DYM: variants seen among roughly 807,000 people sequenced by gnomAD.
DYM encodes the protein dymeclin.
Under a neutral mutation model 93.1 loss-of-function variants are expected in DYM, and 78 were observed. The observed-to-expected ratio is 0.84, with a 90% CI of 0.70 to 1.01. The LOEUF (loss-of-function observed/expected upper bound fraction) is 1.01. Among genes scored for constraint, DYM ranks in the 50% least tolerant of loss-of-function variants. DYM has a pLI of 0.00. For synonymous variants in DYM, 321 were observed against 319.7 expected, an observed-to-expected ratio of 1.00 and a Z score of -0.04; for missense variants, 789 against 845.0, an observed-to-expected ratio of 0.93 and a Z score of 0.82.
At chr18:49,399,934 CTTTTTTTTTTTTT>C (rs1201370040) in intron 2 of DYM, among the ~76,000 whole-genome samples, 8 of 66,110 alleles carry the variant, frequency 1.2e-4, no homozygotes, top group Non-Finnish European at 2.2e-4. Flanking sequence ...TTTTATTTTT[CTTTTTTTTTTTTT>C]TTTTTTTTTT....
rs535241312 is a variant in DYM, at chr18:49,301,351, T to C, written c.764-14735A>G. On this transcript the variant is annotated intron_variant, in intron 8 of 17. Transcript: ENST00000675505. The stretch of plus-strand genomic sequence containing the variant: ...CTGGCCAACATGGTGAAACCCCGTC[T>C]CTACTAAAAATACAAAAAAATTAGC... Among the ~76,000 whole-genome samples, 215 of 152,084 alleles carry C rather than the reference T, an allele frequency of 1.4e-3. 3 individuals are homozygous for C. The highest frequency in any genetic ancestry group is 6.8e-4 in the Non-Finnish European group (46 of 67,978).
chr18:49,247,503 A>G (rs961567103), intron 13 of DYM, among the ~76,000 whole-genome samples: 9 of 152,200 alleles, frequency 5.9e-5, no homozygotes, highest in Non-Finnish European at 1.2e-4. Flanking sequence ...CTAAGAGGAC[A>G]AAGTTGAACC....
intron 16 of DYM, among the ~76,000 whole-genome samples, chr18:49,108,082 T>C (rs1295489333): frequency 1.3e-5 from 2 of 152,232 alleles, no homozygotes; most frequent in African/African-American, 2.4e-5. Flanking sequence ...CCACTTTGTT[T>C]ACCTACTCAA....
intron 8 of DYM, among the ~76,000 whole-genome samples, chr18:49,299,205 T>C (rs2060748204): frequency 6.6e-6 from 1 of 152,204 alleles, no homozygotes. Context: ...ATTAGACATA[T>C]ATAACTAGCA....
chr18:49,310,522 G>A (rs72912503), intron 8 of DYM, among the ~76,000 whole-genome samples: 9,927 of 152,186 alleles, frequency 0.065, 431 homozygotes, highest in Non-Finnish European at 0.096. Flanking sequence ...GTATATGTAT[G>A]TATATTTGCC....
At chr18:49,255,466 A>C (rs984147318) in intron 13 of DYM, among the ~76,000 whole-genome samples, 3 of 152,104 alleles carry the variant, frequency 2.0e-5, no homozygotes, top group Non-Finnish European at 4.4e-5. Context: ...TGAGGTTAGG[A>C]GTTTGAGACC....
chr18:49,075,749 A>C (rs995574537), intron 17 of DYM, among the ~76,000 whole-genome samples: 3 of 152,128 alleles, frequency 2.0e-5, no homozygotes, highest in Non-Finnish European at 4.4e-5. Context: ...ATGGCAGTTT[A>C]ACTTTTGAGG....
chr18:49,050,304 T>A (rs746489505), intron 17 of DYM, among the ~76,000 whole-genome samples: 16 of 151,670 alleles, frequency 1.1e-4, no homozygotes, highest in Admixed American at 4.6e-4. Context: ...TTGGTCAGGA[T>A]GGTCTTGAAC....
At chr18:49,440,980 T>TATATA (rs1342182885) in intron 1 of DYM, among the ~76,000 whole-genome samples, 76 of 3,324 alleles carry the variant, frequency 0.023, 31 homozygotes, top group Non-Finnish European at 0.029. Flanking sequence ...TATAATATAT[T>TATATA]ATATATAATA....
chr18:49,357,685 T>G (rs1285705550), intron 6 of DYM, among the ~76,000 whole-genome samples: 1 of 152,186 alleles, frequency 6.6e-6, no homozygotes, highest in Non-Finnish European at 1.5e-5. Flanking sequence ...TAAAGAAATA[T>G]TTGAGTCTAC....
At chr18:49,390,278 T>C (rs2147871218) in intron 3 of DYM, among the ~76,000 whole-genome samples, 1 of 151,860 alleles carries the variant, frequency 6.6e-6, no homozygotes, top group Admixed American at 6.6e-5. Flanking sequence ...TAAAATAAAA[T>C]CATTAGGCAG....
intron 2 of DYM, among the ~76,000 whole-genome samples, chr18:49,401,632 T>A (rs200680022): frequency 1.4e-5 from 2 of 146,582 alleles, no homozygotes; most frequent in South Asian, 2.2e-4. Flanking sequence ...TCTCTCTCTC[T>A]CTCTCACACA....
chr18:49,182,429 C>A (rs1162000104), intron 14 of DYM, among the ~76,000 whole-genome samples: 2 of 152,060 alleles, frequency 1.3e-5, no homozygotes, highest in South Asian at 2.1e-4. Flanking sequence ...TTTCTCCTTG[C>A]AATTTTATTA....
chr18:49,253,566 C>T (rs1373375711), intron 13 of DYM, among the ~76,000 whole-genome samples: 2 of 152,068 alleles, frequency 1.3e-5, no homozygotes, highest in East Asian at 3.9e-4. Context: ...AGACTCTGAT[C>T]CAGTAGGTCA....
At chr18:49,406,773 A>G (rs2148127867) in intron 2 of DYM, among the ~76,000 whole-genome samples, 1 of 152,360 alleles carries the variant, frequency 6.6e-6, no homozygotes, top group Non-Finnish European at 1.5e-5. Context: ...CCACTCTGGA[A>G]AGCCATTTGG....
At chr18:49,104,242 T>C (rs187774545) in intron 16 of DYM, among the ~76,000 whole-genome samples, 5,917 of 152,296 alleles carry the variant, frequency 0.039, 189 homozygotes, top group Non-Finnish European at 0.058. Context: ...AGAATGCTTG[T>C]GATTTTTGCA....
At chr18:49,196,218 A>C (rs2145790186) in intron 14 of DYM, among the ~76,000 whole-genome samples, 1 of 152,194 alleles carries the variant, frequency 6.6e-6, no homozygotes, top group East Asian at 1.9e-4. Context: ...GAGCCACTGC[A>C]CTGCACCCGG....
chr18:49,118,264 C>A (rs533653648), intron 16 of DYM, among the ~76,000 whole-genome samples: 2 of 152,010 alleles, frequency 1.3e-5, no homozygotes, highest in South Asian at 4.2e-4. Context: ...ACAGTAAAAA[C>A]TAGTAAAATT....
At chr18:49,213,027 T>A (rs564765769) in intron 13 of DYM, among the ~76,000 whole-genome samples, 1 of 152,224 alleles carries the variant, frequency 6.6e-6, no homozygotes, top group South Asian at 2.1e-4. Flanking sequence ...TTCACAAAAA[T>A]AAAATTTCCT....
Sources: gnomAD v4.1 joint callset for allele counts (sites outside exome capture counted in the v4.1 genomes callset) on GRCh38, gnomAD v4.1.1 for gene constraint, MANE v1.5 for transcripts, NCBI Gene and HGNC (gene_info 2026-07-23, HGNC 2026-07-21) for gene names.